Variants in C9orf57 observed in about 807,000 individuals in gnomAD.
C9orf57 encodes uncharacterized protein C9orf57.
Under a neutral mutation model 12.9 loss-of-function variants are expected in C9orf57, and 12 were observed. The ratio of observed to expected loss-of-function variants is 0.93; its 90% confidence interval spans 0.60 to 1.51. The LOEUF is 1.51. Ranked by LOEUF, C9orf57 falls within the 40% of genes most tolerant of loss-of-function variation. The pLI is 0.00. For missense variants in C9orf57, 141 were observed against 162.8 expected, an observed-to-expected ratio of 0.87 and a Z score of 0.73; for synonymous variants, 49 against 57.1, an observed-to-expected ratio of 0.86 and a Z score of 0.64.
chr9:72,060,564 A>T lies in C9orf57; in HGVS notation c.-121T>A. 6.5e-7 allele frequency: 1 copy of T among 1,546,358 alleles called. No individual in the cohort carries two copies. Among genetic ancestry groups the T allele is most frequent in the Non-Finnish European group, 8.7e-7 (1 of 1,143,878 alleles). ...GAACTTTCTTAAAAGGATGAGAACGAGTACAATTTGTGATGTGATGAAGTC... is the reference window on the plus strand; with the variant it reads ...GAACTTTCTTAAAAGGATGAGAACGTGTACAATTTGTGATGTGATGAAGTC... On this transcript the variant is annotated 5_prime_UTR_variant, in exon 1 of 5. Coordinates refer to ENST00000651200, the MANE Select transcript of C9orf57 (RefSeq NM_001128618.2).
chr9:72,056,110 G>T lies in C9orf57; in HGVS notation c.244C>A (p.Pro82Thr). The T allele has an allele frequency of 6.4e-7, 1 of 1,550,968 alleles. No homozygotes were observed. The highest frequency in any genetic ancestry group is 8.7e-7 in the Non-Finnish European group (1 of 1,146,508). ...LLDLGTCQAE[P>T]GQYCKEEVHI... Reference sequence around the variant, plus strand: ...ACCTCTTCTTTACAGTACTGACCAGGTTCTGCCTGGCAGGTTCCCAGGTCT... The same window carrying T: ...ACCTCTTCTTTACAGTACTGACCAGTTTCTGCCTGGCAGGTTCCCAGGTCT... Residue 82 changes from proline (P) to threonine (T), a missense_variant, in exon 4 of 5, where the codon CCT (proline) becomes ACT (threonine). Coordinates refer to ENST00000651200, the MANE Select transcript of C9orf57 (RefSeq NM_001128618.2).
chr9:72,053,400 C>T (rs1243341012), intron 4 of C9orf57, among the ~76,000 whole-genome samples: 1 of 152,202 alleles, frequency 6.6e-6, no homozygotes, highest in African/African-American at 2.4e-5. Context: ...ACACTGTAGT[C>T]ATTCCAGGCC....
chr9:72,054,476 A>G (rs961349265), intron 4 of C9orf57, among the ~76,000 whole-genome samples: 8 of 152,352 alleles, frequency 5.3e-5, no homozygotes, highest in Middle Eastern at 3.4e-3. Context: ...AAAGATGCTG[A>G]ACCAATCTAA....
chr9:72,056,145 C>T lies in C9orf57; in HGVS notation c.209G>A (p.Gly70Glu). 5 of 1,550,624 alleles carry T rather than the reference C, an allele frequency of 3.2e-6. No individual in the cohort carries two copies. Among genetic ancestry groups the T allele is most frequent in the Non-Finnish European group, 3.5e-6 (4 of 1,146,388 alleles). ...GCAGGTTCCCAGGTCTAAAAGACAT[C>T]CATGGAAGGGCAGTGAAAGATTGCA... is the stretch of plus-strand genomic sequence containing the variant. ...RACNLSLPFH[G>E]CLLDLGTCQA... is the part of the protein sequence containing the mutation. The change falls in exon 4 of 5, where the codon GGA (glycine) becomes GAA (glutamate). Residue 70 changes from glycine to glutamate, a missense_variant. Physicochemically the swap from Gly to Glu is moderately conservative, Grantham distance 98. Coordinates refer to ENST00000651200, the MANE Select transcript of C9orf57 (RefSeq NM_001128618.2).
chr9:72,057,728 A>G lies in C9orf57; in HGVS notation c.98-885T>C, dbSNP rs372230840. 6.9e-4 allele frequency among the ~76,000 whole-genome samples: 105 copies of G among 152,334 alleles called. 3 individuals are homozygous for G. In the South Asian group the frequency reaches 0.021, roughly 31 times the overall value. On this transcript the variant is annotated intron_variant, in intron 2 of 4. Coordinates refer to ENST00000651200, the MANE Select transcript of C9orf57 (RefSeq NM_001128618.2). ...TTTACCAGAAAATTTAATTTCAGCC[A>G]CATATTCACTGTTAGGGCTTAATTT...
chr9:72,057,902 T>G (rs919066162), intron 2 of C9orf57, among the ~76,000 whole-genome samples: 3 of 152,212 alleles, frequency 2.0e-5, no homozygotes, highest in African/African-American at 7.2e-5. Flanking sequence ...GCCCAGAGAT[T>G]CTTGAACTGG....
chr9:72,055,800 G>A (rs947413496), intron 4 of C9orf57, among the ~76,000 whole-genome samples: 1 of 152,126 alleles, frequency 6.6e-6, no homozygotes, highest in Non-Finnish European at 1.5e-5. Flanking sequence ...TATTAGGAAT[G>A]TGTGCTCTGG....
intron 4 of C9orf57, among the ~76,000 whole-genome samples, chr9:72,053,685 T>C (rs1044201291): frequency 6.6e-6 from 1 of 152,174 alleles, no homozygotes; most frequent in African/African-American, 2.4e-5. Flanking sequence ...GTAACCCTCT[T>C]AATACCAAAA....
intron 2 of C9orf57, among the ~76,000 whole-genome samples, chr9:72,058,751 A>G (rs1245755670): frequency 6.6e-6 from 1 of 152,196 alleles, no homozygotes; most frequent in East Asian, 1.9e-4. Flanking sequence ...AGTGTGGCTG[A>G]TGAGGCTAAT....
At chr9:72,058,732 A>G (rs1485496458) in intron 2 of C9orf57, among the ~76,000 whole-genome samples, 1 of 152,302 alleles carries the variant, frequency 6.6e-6, no homozygotes, top group African/African-American at 2.4e-5. Flanking sequence ...AACATTTTTA[A>G]TAGAAAACAG....
At position 72,051,429 on chromosome 9, in the gene C9orf57, GAGAA is replaced by G. The variant is rs1184197529; in HGVS notation, c.*863_*866del. On this transcript the variant is annotated 3_prime_UTR_variant, in exon 5 of 5. Coordinates refer to ENST00000651200, the MANE Select transcript of C9orf57 (RefSeq NM_001128618.2). ...GAATTTTCAAACTCCTGAAAATACA[GAGAA>G]AGACAGTTTTAAATTAAATTTTAAA... 2 of 152,086 alleles carry G rather than the reference GAGAA, an allele frequency of 1.3e-5. No homozygotes were observed. Among genetic ancestry groups the G allele is most frequent in the Non-Finnish European group, 2.9e-5 (2 of 68,026 alleles). The allele number at this position is 152,086 out of a possible 1,614,324, so 9.4% of individuals were successfully genotyped here.
At chr9:72,056,703 A>G (rs1824210181) in intron 3 of C9orf57, 81 bp downstream of exon 3, 4 of 1,413,592 alleles carry the variant, frequency 2.8e-6, no homozygotes, top group East Asian at 5.0e-5. Flanking sequence ...TTAGTGTAGC[A>G]TCTGGCATAT....
chr9:72,060,333 C>A (rs1824307835), intron 1 of C9orf57, among the ~76,000 whole-genome samples, 164 bp downstream of exon 1: 1 of 152,178 alleles, frequency 6.6e-6, no homozygotes, highest in Admixed American at 6.5e-5. Flanking sequence ...GCGTGAGCCA[C>A]CACGCCCGGC....
Position 72,052,127 on chromosome 9 carries a change from T to C in C9orf57, c.*169A>G. 1 of 628,318 alleles carries C rather than the reference T, an allele frequency of 1.6e-6. No homozygotes were observed. The allele number at this position is 628,318 out of a possible 1,614,324, so 38.9% of individuals were successfully genotyped here. On this transcript the variant is annotated 3_prime_UTR_variant, in exon 5 of 5. Coordinates refer to ENST00000651200, the MANE Select transcript of C9orf57 (RefSeq NM_001128618.2). The stretch of plus-strand genomic sequence containing the variant: ...GATGAGTTGGAGGTGGTGGGGGAGA[T>C]ATTGGGAATATTGAAAACCAAAGTC...
intron 1 of C9orf57, 90 bp from the exon 2 acceptor site, chr9:72,059,474 T>C: frequency 4.3e-6 from 6 of 1,381,336 alleles, no homozygotes; most frequent in Non-Finnish European, 5.8e-6. Flanking sequence ...TAAGACAATA[T>C]AAATAAGTTT....
chr9:72,056,045 A>G, intron 4 of C9orf57, 29 bp downstream of exon 4: 1 of 1,535,780 alleles, frequency 6.5e-7, no homozygotes, highest in Non-Finnish European at 8.8e-7. Flanking sequence ...GCTTATTTTA[A>G]TTAAAATTTT....
At chr9:72,057,812 T>C (rs1439230476) in intron 2 of C9orf57, among the ~76,000 whole-genome samples, 3 of 152,232 alleles carry the variant, frequency 2.0e-5, no homozygotes, top group Admixed American at 6.5e-5. Flanking sequence ...TATTGCTTCA[T>C]TAATGTTTAC....
intron 4 of C9orf57, among the ~76,000 whole-genome samples, chr9:72,054,421 G>C (rs1824145496): frequency 6.6e-6 from 1 of 152,148 alleles, no homozygotes; most frequent in African/African-American, 2.4e-5. Context: ...TTTGTCGAAG[G>C]CTGTGTTTAT....
intron 4 of C9orf57, among the ~76,000 whole-genome samples, chr9:72,055,538 C>T (rs1302867719): frequency 6.6e-6 from 1 of 151,950 alleles, no homozygotes; most frequent in African/African-American, 2.4e-5. Context: ...GATCCTCCCA[C>T]CTGGCCTCCC....
Sources: allele counts gnomAD v4.1 joint callset (sites outside exome capture counted in the v4.1 genomes callset), GRCh38; gene constraint gnomAD v4.1.1; transcripts MANE v1.5; gene names NCBI Gene and HGNC (gene_info 2026-07-23, HGNC 2026-07-21).